DTNA: variants seen among roughly 807,000 people sequenced by gnomAD.
The protein encoded by DTNA is dystrophin-related protein 3.
DTNA carries 43 observed loss-of-function variants against 100.7 expected under a neutral mutation model. The ratio of observed to expected loss-of-function variants is 0.43; its 90% confidence interval spans 0.33 to 0.55. DTNA has a LOEUF of 0.55. Ranked by LOEUF, DTNA falls within the 20% of genes least tolerant of loss-of-function variation. DTNA has a pLI of 0.04. For missense variants in DTNA, 798 were observed against 953.9 expected (o/e 0.84, Z 2.15); for synonymous variants, 349 against 347.9 (o/e 1.00, Z -0.04).
intron 19 of DTNA, among the ~76,000 whole-genome samples, chr18:34,878,037 A>G (rs1411614226): frequency 1.3e-5 from 2 of 151,970 alleles, no homozygotes; most frequent in Non-Finnish European, 2.9e-5. Context: ...CAGTGGCACC[A>G]TCATAGCTCA....
At chr18:34,713,690 G>T (rs2083356067) in intron 1 of DTNA, among the ~76,000 whole-genome samples, 1 of 151,922 alleles carries the variant, frequency 6.6e-6, no homozygotes, top group Non-Finnish European at 1.5e-5. Context: ...GTAGCTTGAT[G>T]GGGATGGCAT....
chr18:34,527,084 T>A lies in DTNA; in HGVS notation c.-2+33570T>A, dbSNP rs115101631. ...ATCATTTTCTTCCCACTCTGTTCTC[T>A]CTCTCTACAATTGTCCTTTCTGTAA... On this transcript the variant is annotated intron_variant, in intron 1 of 19. Transcript: ENST00000283365. Among the ~76,000 whole-genome samples the A allele has an allele frequency of 3.3e-3, 508 of 152,200 alleles. 4 individuals carry two copies. The highest frequency in any genetic ancestry group is 0.012 in the African/African-American group (484 of 41,560).
At chr18:34,745,906 A>G (rs558904278) in intron 1 of DTNA, among the ~76,000 whole-genome samples, 2 of 152,272 alleles carry the variant, frequency 1.3e-5, no homozygotes, top group Non-Finnish European at 2.9e-5. Context: ...AGGGTCTAAA[A>G]TCTTTAAAAT....
chr18:34,728,050 T>C lies in DTNA; in HGVS notation c.-2+17605T>C, dbSNP rs139370645. On this transcript the variant is annotated intron_variant, in intron 1 of 22. Transcript: ENST00000444659. ...ATTTTCCTATCTTTACTTTCCTATG[T>C]TTTCTGAATTTTCTTCAGCAGATAC... 7.2e-3 allele frequency among the ~76,000 whole-genome samples: 1,089 copies of C among 152,286 alleles called. 7 individuals carry two copies. Among genetic ancestry groups the C allele is most frequent in the Admixed American group, 0.011 (170 of 15,282 alleles).
At chr18:34,640,560 A>G (rs1193177955) in intron 1 of DTNA, among the ~76,000 whole-genome samples, 1 of 152,216 alleles carries the variant, frequency 6.6e-6, no homozygotes, top group Non-Finnish European at 1.5e-5. Flanking sequence ...TTCATCCTAT[A>G]GACATTTATG....
chr18:34,886,830 A>G (rs2096926020), intron 22 of DTNA, among the ~76,000 whole-genome samples: 1 of 152,236 alleles, frequency 6.6e-6, no homozygotes, highest in African/African-American at 2.4e-5. Context: ...GAATGTTGTA[A>G]AAACTAGTGG....
intron 4 of DTNA, among the ~76,000 whole-genome samples, chr18:34,801,941 T>C (rs944004665): frequency 7.2e-5 from 11 of 152,234 alleles, no homozygotes; most frequent in Non-Finnish European, 1.6e-4. Context: ...GGCCATGTGA[T>C]TGACCACATC....
chr18:34,670,316 C>T (rs1276346055), intron 1 of DTNA, among the ~76,000 whole-genome samples: 1 of 152,156 alleles, frequency 6.6e-6, no homozygotes, highest in Non-Finnish European at 1.5e-5. Flanking sequence ...TCTAGTTAGC[C>T]ATTCATCTAA....
chr18:34,669,761 C>G (rs2076482708), intron 1 of DTNA, among the ~76,000 whole-genome samples: 2 of 152,206 alleles, frequency 1.3e-5, no homozygotes, highest in Admixed American at 1.3e-4. Flanking sequence ...GGCCCCCACT[C>G]TCTTCTGGCT....
intron 11 of DTNA, among the ~76,000 whole-genome samples, chr18:34,835,019 T>C (rs2149666946): frequency 6.6e-6 from 1 of 152,332 alleles, no homozygotes; most frequent in South Asian, 2.1e-4. Context: ...GAAACCTGTC[T>C]CCCAGTCAAC....
intron 1 of DTNA, among the ~76,000 whole-genome samples, chr18:34,551,218 A>G (rs2045376658): frequency 6.6e-6 from 1 of 151,988 alleles, no homozygotes; most frequent in South Asian, 2.1e-4. Context: ...ATAATTTCCC[A>G]CTCAAACTCT....
chr18:34,612,392 C>T lies in DTNA; in HGVS notation c.-2+118878C>T, dbSNP rs111750213. On this transcript the variant is annotated intron_variant, in intron 1 of 19. Coordinates refer to the DTNA transcript ENST00000283365. ...TGGGCGATGGTGGCCAAGGAGGTCT[C>T]CCAGGCCCCCAGGGATCCTGTACAA... Among the ~76,000 whole-genome samples the T allele has an allele frequency of 6.0e-3, 911 of 152,184 alleles. 13 individuals carry two copies. The highest frequency in any genetic ancestry group is 0.021 in the African/African-American group (864 of 41,516).
At chr18:34,644,588 A>G (rs11875718) in intron 1 of DTNA, among the ~76,000 whole-genome samples, 1 of 152,096 alleles carries the variant, frequency 6.6e-6, no homozygotes, top group African/African-American at 2.4e-5. Flanking sequence ...TGATTTGTAT[A>G]TTTTTAATCA....
At chr18:34,858,189 C>T (rs949936395) in intron 15 of DTNA, 96 bp from the exon 16 acceptor site, 111 of 1,091,352 alleles carry the variant, frequency 1.0e-4, no homozygotes, top group Non-Finnish European at 1.4e-4. Context: ...TAGGATGATC[C>T]CTTCTCTCTT....
intron 16 of DTNA, among the ~76,000 whole-genome samples, chr18:34,861,001 AG>A (rs1218441418): frequency 3.3e-5 from 5 of 152,170 alleles, no homozygotes; most frequent in African/African-American, 1.2e-4. Context: ...ATGATTTATA[AG>A]GAGAAATTTT....
intron 1 of DTNA, among the ~76,000 whole-genome samples, chr18:34,548,004 A>G (rs1365442027): frequency 1.3e-5 from 2 of 152,186 alleles, no homozygotes; most frequent in Non-Finnish European, 2.9e-5. Context: ...AGATTAAAAG[A>G]TTCACATAAA....
At chr18:34,791,141 C>G (rs76880720) in intron 3 of DTNA, among the ~76,000 whole-genome samples, 3 of 152,070 alleles carry the variant, frequency 2.0e-5, no homozygotes, top group Non-Finnish European at 4.4e-5. Context: ...CTGGATAATT[C>G]CACCACTGGG....
chr18:34,846,644 G>A (rs898708733), intron 13 of DTNA, among the ~76,000 whole-genome samples: 1 of 151,812 alleles, frequency 6.6e-6, no homozygotes, highest in Admixed American at 6.6e-5. Context: ...ATGTAGACAG[G>A]AATGTCTTAT....
At chr18:34,713,452 G>A (rs1162875069) in intron 1 of DTNA, among the ~76,000 whole-genome samples, 2 of 152,122 alleles carry the variant, frequency 1.3e-5, no homozygotes, top group East Asian at 1.9e-4. Flanking sequence ...TAGATATGCA[G>A]CGTTATTTCT....
Sources: gnomAD v4.1 joint callset for allele counts (sites outside exome capture counted in the v4.1 genomes callset) on GRCh38, gnomAD v4.1.1 for gene constraint, MANE v1.5 for transcripts, NCBI Gene and HGNC (gene_info 2026-07-23, HGNC 2026-07-21) for gene names.